RBFOX3: variants seen among roughly 807,000 people sequenced by gnomAD.
RBFOX3 encodes the protein RNA binding fox-1 homolog 3.
In RBFOX3, 17 loss-of-function variants were observed where a neutral mutation model predicts 48.7. The observed-to-expected ratio is 0.35, with a 90% CI of 0.24 to 0.52. The LOEUF (loss-of-function observed/expected upper bound fraction) is 0.52, where lower values mean the gene tolerates loss of function less well. Ranked by LOEUF, RBFOX3 falls within the 20% of genes least tolerant of loss-of-function variation. RBFOX3 has a pLI of 0.94. For missense variants in RBFOX3, 382 were observed against 497.5 expected (o/e 0.77, Z 2.21); for synonymous variants, 212 against 209.5 (o/e 1.01, Z -0.10).
intron 2 of RBFOX3, among the ~76,000 whole-genome samples, chr17:79,466,005 GC>G (rs1555753512): frequency 6.6e-6 from 1 of 152,214 alleles, no homozygotes; most frequent in Non-Finnish European, 1.5e-5. Context: ...GGATCTCCCA[GC>G]CCAGAGGTCG....
intron 4 of RBFOX3, among the ~76,000 whole-genome samples, chr17:79,225,974 C>A (rs373267927): frequency 1.3e-5 from 2 of 152,084 alleles, no homozygotes; most frequent in Non-Finnish European, 2.9e-5. Context: ...GAGGGGGCTG[C>A]AGTGTTCAGC....
chr17:79,229,908 G>A (rs1429375390), intron 4 of RBFOX3, among the ~76,000 whole-genome samples: 1 of 152,186 alleles, frequency 6.6e-6, no homozygotes, highest in Non-Finnish European at 1.5e-5. Flanking sequence ...CCTGTTGTAC[G>A]GATGACATGG....
chr17:79,226,666 C>A (rs537022868), intron 4 of RBFOX3, among the ~76,000 whole-genome samples: 1 of 152,336 alleles, frequency 6.6e-6, no homozygotes, highest in East Asian at 1.9e-4. Context: ...GATTACTTAA[C>A]CTTTCTGAGC....
At chr17:79,476,049 G>A (rs1207295438) in intron 2 of RBFOX3, among the ~76,000 whole-genome samples, 1 of 152,208 alleles carries the variant, frequency 6.6e-6, no homozygotes, top group Admixed American at 6.5e-5. Flanking sequence ...TGTCCTGGGG[G>A]CTGCACCTGA....
At chr17:79,109,946 C>T (rs2030254805) in intron 5 of RBFOX3, among the ~76,000 whole-genome samples, 1 of 152,162 alleles carries the variant, frequency 6.6e-6, no homozygotes, top group Admixed American at 6.5e-5. Context: ...TATCCCTGCT[C>T]AGCCCCGGGC....
intron 3 of RBFOX3, among the ~76,000 whole-genome samples, chr17:79,296,262 C>A (rs546170938): frequency 6.6e-6 from 1 of 151,658 alleles, no homozygotes; most frequent in South Asian, 2.1e-4. Flanking sequence ...AAAATTTTAA[C>A]CCCCACCCCG....
At chr17:79,519,406 C>T (rs954273650) in intron 1 of RBFOX3, among the ~76,000 whole-genome samples, 9 of 152,250 alleles carry the variant, frequency 5.9e-5, no homozygotes, top group East Asian at 5.8e-4. Context: ...GCAGCCCACC[C>T]AGCTCAGAGG....
At chr17:79,096,575 A>C in intron 12 of RBFOX3, 78 bp downstream of exon 12, 1 of 1,282,448 alleles carries the variant, frequency 7.8e-7, no homozygotes. Context: ...GCGGGCAGTG[A>C]GAGAGGAGAC....
chr17:79,626,290 C>T, the RBFOX3 span, among the ~76,000 whole-genome samples: 1 of 152,110 alleles, frequency 6.6e-6, no homozygotes, highest in South Asian at 2.1e-4. Context: ...CATCCCATTC[C>T]GTCCACAGCA....
rs1567865132 is a variant in RBFOX3 at position 79,220,617 on chromosome 17, C to CG, written c.-34+15148dup. Among the ~76,000 whole-genome samples, 2 of 146,478 alleles carry CG rather than the reference C, an allele frequency of 1.4e-5. No individual in the cohort carries two copies. Among genetic ancestry groups the CG allele is most frequent in the Non-Finnish European group, 3.0e-5 (2 of 67,026 alleles). On this transcript the variant is annotated intron_variant, in intron 4 of 14. Transcript: ENST00000693108. This position sits in a 1 kb window ranked among gnomAD's most constrained non-coding sequence, Gnocchi z 5.9. ...GGGGAGGGTGTGTGTGTGTGTGTGT[C>CG]GGGGGGACACAAAACCTTCCAGCCT...
intron 1 of RBFOX3, among the ~76,000 whole-genome samples, chr17:79,542,870 G>C (rs1429319222): frequency 6.6e-6 from 1 of 151,982 alleles, no homozygotes; most frequent in Non-Finnish European, 1.5e-5. Context: ...AATATTTTTG[G>C]GTCAATATGT....
At chr17:79,308,995 T>C (rs1278455300) in intron 2 of RBFOX3, among the ~76,000 whole-genome samples, 1 of 151,494 alleles carries the variant, frequency 6.6e-6, no homozygotes, top group Non-Finnish European at 1.5e-5. Context: ...GAGTCCTAGC[T>C]ACCAGGGAGT....
chr17:79,098,094 T>G, intron 9 of RBFOX3: 1 of 278,518 alleles, frequency 3.6e-6, no homozygotes, highest in Non-Finnish European at 7.0e-6. Flanking sequence ...ACTTGTTATC[T>G]ACCCCCCTGA....
intron 2 of RBFOX3, among the ~76,000 whole-genome samples, chr17:79,447,821 C>T (rs56781061): frequency 0.15 from 22,321 of 152,208 alleles, 1,974 homozygotes; most frequent in Middle Eastern, 0.24. Flanking sequence ...TGGTTCGGCT[C>T]ATGTCGCTAC....
intron 2 of RBFOX3, among the ~76,000 whole-genome samples, chr17:79,414,250 T>TA (rs149565163): frequency 0.011 from 1,704 of 151,676 alleles, 27 homozygotes; most frequent in African/African-American, 0.04. Context: ...GAACAAGGGG[T>TA]AAAAAAAATC....
At chr17:79,574,705 T>A (rs958179096) in intron 1 of RBFOX3, among the ~76,000 whole-genome samples, 1 of 152,162 alleles carries the variant, frequency 6.6e-6, no homozygotes, top group Non-Finnish European at 1.5e-5. Flanking sequence ...ATTCTTTTAT[T>A]CCTTTACTTT....
At chr17:79,303,774 T>C (rs1159157355) in intron 3 of RBFOX3, among the ~76,000 whole-genome samples, 1 of 152,092 alleles carries the variant, frequency 6.6e-6, no homozygotes, top group Non-Finnish European at 1.5e-5. Flanking sequence ...ACACACTAGG[T>C]GCACGTACGT....
chr17:79,547,737 T>C (rs2090644237), intron 1 of RBFOX3, among the ~76,000 whole-genome samples: 2 of 152,156 alleles, frequency 1.3e-5, no homozygotes, highest in African/African-American at 4.8e-5. Flanking sequence ...TGGAGCAGGC[T>C]GGGGGAGGAC....
chr17:79,593,444 C>G (rs1190428902), intron 1 of RBFOX3, among the ~76,000 whole-genome samples: 1 of 152,126 alleles, frequency 6.6e-6, no homozygotes, highest in Non-Finnish European at 1.5e-5. Flanking sequence ...TCTAATAAGC[C>G]TCCTCCTTAT....
Sources: gnomAD v4.1 joint callset for allele counts (sites outside exome capture counted in the v4.1 genomes callset) on GRCh38, gnomAD v4.1.1 for gene constraint, Gnocchi (gnomAD v3.1) non-coding constraint, MANE v1.5 for transcripts, NCBI Gene and HGNC (gene_info 2026-07-23, HGNC 2026-07-21) for gene names.